Variants in UNC5C observed in about 807,000 individuals in gnomAD.
UNC5C encodes the protein unc-5 netrin receptor C.
UNC5C carries 47 observed loss-of-function variants against 99.8 expected under a neutral mutation model. That is an observed-to-expected ratio of 0.47 (90% confidence interval 0.37 to 0.60). UNC5C has a LOEUF of 0.60. Among genes scored for constraint, UNC5C ranks in the 20% least tolerant of loss-of-function variants. The probability of loss-of-function intolerance (pLI) is 0.00; values close to 1 mark genes in which losing one functional copy is unlikely to be tolerated. For missense variants in UNC5C, 1,062 were observed against 1,165.9 expected (o/e 0.91, Z 1.30); for synonymous variants, 487 against 452.2 (o/e 1.08, Z -0.98).
At chr4:95,512,125 G>A (rs1052525514) in intron 1 of UNC5C, among the ~76,000 whole-genome samples, 1 of 152,138 alleles carries the variant, frequency 6.6e-6, no homozygotes, top group Admixed American at 6.6e-5. Context: ...GACCTGGCAT[G>A]CCCCATTCCT....
At chr4:95,402,716 T>G (rs147633902) in intron 1 of UNC5C, among the ~76,000 whole-genome samples, 1 of 152,194 alleles carries the variant, frequency 6.6e-6, no homozygotes, top group Admixed American at 6.5e-5. Context: ...TTGCAGCCTA[T>G]ACTTTCCTCC....
chr4:95,250,557 T>G lies in UNC5C; in HGVS notation c.705A>C (p.Ala235=), dbSNP rs780183929. 1.2e-6 allele frequency: 2 copies of G among 1,613,974 alleles called. No individual in the cohort carries two copies. Among genetic ancestry groups the G allele is most frequent in the Non-Finnish European group, 1.7e-6 (2 of 1,179,994 alleles). ...IIKQARLSDT[A]NYTCVAKNIV... is the part of the protein sequence containing the mutation. ...TGTTTTTGGCAACACAGGTGTAATT[T>G]GCAGTATCAGAGAGTCGGGCCTGCT... Residue 235 remains alanine (A), a synonymous_variant, in exon 5 of 16, where the codon GCA becomes GCC. Coordinates refer to ENST00000453304, the MANE Select transcript of UNC5C (RefSeq NM_003728.4).
At chr4:95,328,209 TC>T (rs1381138940) in intron 2 of UNC5C, among the ~76,000 whole-genome samples, 1 of 65,528 alleles carries the variant, frequency 1.5e-5, no homozygotes, top group Non-Finnish European at 3.0e-5. Context: ...ATGCTATCCC[TC>T]CCCCCTCCCC....
At chr4:95,221,415 C>T (rs962580514) in intron 7 of UNC5C, among the ~76,000 whole-genome samples, 4 of 152,160 alleles carry the variant, frequency 2.6e-5, no homozygotes, top group Non-Finnish European at 4.4e-5. Flanking sequence ...CCTCTCCTAA[C>T]GCTCACAGCC....
chr4:95,415,250 C>A (rs79586915), intron 1 of UNC5C, among the ~76,000 whole-genome samples: 20,168 of 152,092 alleles, frequency 0.13, 1,435 homozygotes, highest in East Asian at 0.2. Context: ...TATTGGCACC[C>A]TCCTACTTTC....
At chr4:95,465,009 G>A (rs1407868765) in intron 1 of UNC5C, among the ~76,000 whole-genome samples, 1 of 152,184 alleles carries the variant, frequency 6.6e-6, no homozygotes, top group Non-Finnish European at 1.5e-5. Flanking sequence ...TTTTCACAGA[G>A]AGATGATCCA....
chr4:95,411,247 T>C (rs1240161229), intron 1 of UNC5C, among the ~76,000 whole-genome samples: 2 of 152,106 alleles, frequency 1.3e-5, no homozygotes, highest in Non-Finnish European at 2.9e-5. Flanking sequence ...CTGAAACGTC[T>C]TTATTAGAGG....
At chr4:95,297,815 C>A (rs978092684) in intron 3 of UNC5C, among the ~76,000 whole-genome samples, 1 of 152,140 alleles carries the variant, frequency 6.6e-6, no homozygotes, top group African/African-American at 2.4e-5. Flanking sequence ...CTGGCCTCAC[C>A]ACCTCCACTG....
chr4:95,382,471 AAAG>A (rs1013336574), intron 1 of UNC5C, among the ~76,000 whole-genome samples: 1 of 152,110 alleles, frequency 6.6e-6, no homozygotes, highest in African/African-American at 2.4e-5. Context: ...AAAAAAAAAA[AAAG>A]AGTGTTTTCA....
intron 1 of UNC5C, among the ~76,000 whole-genome samples, chr4:95,345,740 T>C (rs747449952): frequency 2.0e-5 from 3 of 152,016 alleles, no homozygotes; most frequent in Admixed American, 2.0e-4. Flanking sequence ...TTAAACAATA[T>C]GCTCCTGAAC....
chr4:95,319,104 C>T (rs1445553957), intron 2 of UNC5C, among the ~76,000 whole-genome samples: 2 of 152,202 alleles, frequency 1.3e-5, no homozygotes, highest in Admixed American at 6.5e-5. Flanking sequence ...CATCTATGTA[C>T]TCCCTCTCTG....
intron 7 of UNC5C, among the ~76,000 whole-genome samples, chr4:95,240,807 G>A (rs111349858): frequency 7.2e-5 from 11 of 152,280 alleles, no homozygotes; most frequent in African/African-American, 2.4e-4. Flanking sequence ...TGTCATGAAA[G>A]TCTTAGTTTG....
At chr4:95,344,839 A>T (rs1743710493) in intron 1 of UNC5C, among the ~76,000 whole-genome samples, 2 of 152,064 alleles carry the variant, frequency 1.3e-5, no homozygotes, top group South Asian at 4.1e-4. Flanking sequence ...CAGAAAACAT[A>T]CACAAAATAA....
intron 4 of UNC5C, among the ~76,000 whole-genome samples, chr4:95,260,054 C>A (rs185469379): frequency 6.6e-6 from 1 of 152,246 alleles, no homozygotes; most frequent in Admixed American, 6.5e-5. Context: ...TCCCTACCAC[C>A]CTGAAAGTAC....
chr4:95,197,459 T>C lies in UNC5C; in HGVS notation c.2136+5272A>G, dbSNP rs1337540031. On this transcript the variant is annotated intron_variant, in intron 12 of 15. Coordinates refer to ENST00000453304, the MANE Select transcript of UNC5C (RefSeq NM_003728.4). ...TGCTGAAGATGGAGGTGGTCAGGAA[T>C]TGGATTAAAGCACAAACAAGGAAGC... 2.0e-5 allele frequency among the ~76,000 whole-genome samples: 3 copies of C among 152,096 alleles called. No homozygotes were observed. In the South Asian group the frequency reaches 6.2e-4, roughly 31 times the overall value.
At chr4:95,513,973 G>T (rs186349777) in intron 1 of UNC5C, among the ~76,000 whole-genome samples, 166 of 152,242 alleles carry the variant, frequency 1.1e-3, no homozygotes, top group African/African-American at 3.9e-3. Flanking sequence ...TATAAAATAT[G>T]TGCTACCCCA....
intron 14 of UNC5C, among the ~76,000 whole-genome samples, chr4:95,177,493 C>T (rs571057283): frequency 2.0e-5 from 3 of 152,274 alleles, no homozygotes; most frequent in South Asian, 2.1e-4. Flanking sequence ...GTTGCAACTG[C>T]CTGTGTGCCA....
intron 1 of UNC5C, among the ~76,000 whole-genome samples, chr4:95,534,092 T>C (rs1722716896): frequency 6.6e-6 from 1 of 152,204 alleles, no homozygotes; most frequent in South Asian, 2.1e-4. Flanking sequence ...GAACGTTCCC[T>C]ACAGCACAGC....
At chr4:95,409,809 G>T (rs1368067320) in intron 1 of UNC5C, among the ~76,000 whole-genome samples, 4 of 152,108 alleles carry the variant, frequency 2.6e-5, no homozygotes, top group Non-Finnish European at 4.4e-5. Flanking sequence ...CTTGTTTGAG[G>T]ATCTGCTCTG....
Sources: allele counts gnomAD v4.1 joint callset (sites outside exome capture counted in the v4.1 genomes callset), GRCh38; gene constraint gnomAD v4.1.1; transcripts MANE v1.5; gene names NCBI Gene and HGNC (gene_info 2026-07-23, HGNC 2026-07-21).